FRMPD4: variants seen among roughly 807,000 people sequenced by gnomAD.
FRMPD4 encodes FERM and PDZ domain-containing protein 4.
FRMPD4 carries 22 observed loss-of-function variants against 94.1 expected under a neutral mutation model. The ratio of observed to expected loss-of-function variants is 0.23; its 90% CI spans 0.17 to 0.33. The LOEUF (loss-of-function observed/expected upper bound fraction) is 0.33. Among genes scored for constraint, FRMPD4 ranks in the 10% least tolerant of loss-of-function variants. The probability of loss-of-function intolerance (pLI) is 1.00; values close to 1 mark genes in which losing one functional copy is unlikely to be tolerated. For missense variants in FRMPD4, 1,111 were observed against 1,339.9 expected (o/e 0.83, Z 2.67); for synonymous variants, 631 against 548.6 (o/e 1.15, Z -2.10).
chrX:12,608,205 C>T (rs1348557181), intron 2 of FRMPD4, among the ~76,000 whole-genome samples: 1 of 112,713 alleles, frequency 8.9e-6, no homozygotes. Context: ...TGAGTGAAGA[C>T]TTCATCAAGA....
intron 7 of FRMPD4, 39 bp downstream of exon 7, chrX:12,686,243 A>C (rs765074617): frequency 2.3e-5 from 15 of 656,718 alleles, no homozygotes; most frequent in Non-Finnish European, 3.8e-5. Context: ...GGACGCTTTC[A>C]GGTACAACAT....
At chrX:12,678,329 A>G (rs748841301) in intron 5 of FRMPD4, among the ~76,000 whole-genome samples, 1 of 112,268 alleles carries the variant, frequency 8.9e-6, no homozygotes, top group African/African-American at 3.2e-5. Context: ...CCCAGGATGG[A>G]ATTTTAGAAG....
In FRMPD4 at chrX:12,114,036, G is replaced by GT. The variant is rs1027328878; in HGVS notation, c.95+236019dup. On this transcript the variant is annotated intron_variant, in intron 3 of 18. Coordinates refer to the FRMPD4 transcript ENST00000640291. ...TATTTTCCTGTCCTTTAATCTCTTT[G>GT]TATCTTTTTAAACTATATTTTTCTC... 1.8e-4 allele frequency among the ~76,000 whole-genome samples: 20 copies of GT among 111,668 alleles called. 1 individual carries two copies. The highest frequency in any genetic ancestry group is 6.2e-4 in the African/African-American group (19 of 30,820).
chrX:11,955,850 C>T (rs1234810806), intron 3 of FRMPD4, among the ~76,000 whole-genome samples: 2 of 111,620 alleles, frequency 1.8e-5, no homozygotes, highest in African/African-American at 3.3e-5. Flanking sequence ...CATTTCACTC[C>T]TACTAAGTGG....
At chrX:12,091,363 C>T (rs895399251) in intron 3 of FRMPD4, among the ~76,000 whole-genome samples, 1 of 111,973 alleles carries the variant, frequency 8.9e-6, no homozygotes, top group African/African-American at 3.2e-5. Flanking sequence ...GTGGACTATA[C>T]AATCTCTGTA....
At position 12,331,216 on chromosome X, in the gene FRMPD4, G is replaced by A. The variant is rs757213170; in HGVS notation, c.42-167464G>A. On this transcript the variant is annotated intron_variant, in intron 1 of 16. Transcript: ENST00000675598. ...AAGGGCTGTGCAACAGAGTGTTTTC[G>A]GGATTTCGTTTTTTTTTTTTTTTTA... 8.7e-5 allele frequency among the ~76,000 whole-genome samples: 9 copies of A among 103,924 alleles called. No homozygotes were observed. The East Asian group carries it at 2.0e-3, about 23-fold the overall frequency. 90.2% of individuals were successfully genotyped at this position (103,924 alleles called of 115,157 possible).
At chrX:12,081,222 C>T (rs1449707455) in intron 3 of FRMPD4, among the ~76,000 whole-genome samples, 1 of 111,481 alleles carries the variant, frequency 9.0e-6, no homozygotes, top group African/African-American at 3.3e-5. Context: ...TAGATATAAC[C>T]TGTGTGTTAT....
intron 1 of FRMPD4, among the ~76,000 whole-genome samples, chrX:12,372,097 T>A (rs1468784314): frequency 8.9e-6 from 1 of 112,461 alleles, no homozygotes; most frequent in African/African-American, 3.2e-5. Flanking sequence ...AAACCAGCCC[T>A]GCTCCTCTGC....
At chrX:12,227,449 C>T (rs1034792678) in intron 1 of FRMPD4, among the ~76,000 whole-genome samples, 5 of 111,620 alleles carry the variant, frequency 4.5e-5, no homozygotes, top group African/African-American at 1.6e-4. Context: ...CTATAAAAAA[C>T]GGTGGGCCTC....
intron 1 of FRMPD4, among the ~76,000 whole-genome samples, chrX:12,451,015 A>G (rs1035541822): frequency 2.7e-5 from 3 of 109,876 alleles, no homozygotes; most frequent in African/African-American, 6.6e-5. Context: ...GACCTGGCCT[A>G]TTACCTCCAT....
chrX:12,346,738 T>C (rs1055829550), intron 1 of FRMPD4, among the ~76,000 whole-genome samples: 1 of 111,646 alleles, frequency 9.0e-6, no homozygotes, highest in Non-Finnish European at 1.9e-5. Context: ...AGGGTACCAA[T>C]TACAATTTTT....
chrX:12,711,374 T>A (rs1315294294), intron 14 of FRMPD4, among the ~76,000 whole-genome samples: 2 of 111,723 alleles, frequency 1.8e-5, no homozygotes, highest in Admixed American at 9.5e-5. Context: ...TTCTTCCACA[T>A]TGGCAGCCAT....
upstream of FRMPD4, among the ~76,000 whole-genome samples, chrX:12,136,626 T>G (rs1372929349): frequency 1.8e-5 from 2 of 110,403 alleles, no homozygotes; most frequent in Non-Finnish European, 3.8e-5. Context: ...CCTGTAGAGT[T>G]TGAAGGATAG....
chrX:12,023,571 G>A (rs769388964), intron 3 of FRMPD4, among the ~76,000 whole-genome samples: 7 of 111,938 alleles, frequency 6.3e-5, no homozygotes, highest in Non-Finnish European at 7.5e-5. Flanking sequence ...ATGAAGCCAT[G>A]GGCTTTTTCC....
At chrX:12,329,764 C>A (rs1290233358) in intron 1 of FRMPD4, among the ~76,000 whole-genome samples, 2 of 104,833 alleles carry the variant, frequency 1.9e-5, no homozygotes, top group Non-Finnish European at 3.9e-5. Flanking sequence ...TCCTGAATCT[C>A]TTTCGTTATA....
rs34465193 is a variant in FRMPD4, at chrX:12,701,067, CTTTTTTTTT to C, written c.934-790_934-782del. 2.5e-4 allele frequency among the ~76,000 whole-genome samples: 14 copies of C among 56,588 alleles called. No individual in the cohort carries two copies. In the East Asian group the frequency reaches 7.0e-3, roughly 28 times the overall value. 49.1% of individuals were successfully genotyped at this position (56,588 alleles called of 115,157 possible). A position where few individuals can be genotyped will look rare whatever the true frequency, so the allele number is the denominator to read the frequency against. Reference sequence around the variant, plus strand: ...AGCTTTTGGGGTTTTGTTTTGGCTTCTTTTTTTTTTTTTTTTTTTTTTTTTGACAAGGTC... The same window carrying C: ...AGCTTTTGGGGTTTTGTTTTGGCTTCTTTTTTTTTTTTTTTTGACAAGGTC... On this transcript the variant is annotated intron_variant, in intron 9 of 16. Coordinates refer to ENST00000675598, the MANE Select transcript of FRMPD4 (RefSeq NM_001368397.1).
chrX:11,869,365 A>T (rs1340254388), intron 2 of FRMPD4, among the ~76,000 whole-genome samples: 1 of 111,711 alleles, frequency 9.0e-6, no homozygotes, highest in Non-Finnish European at 1.9e-5. Context: ...GTAACTCAGA[A>T]CTCTAGATAA....
intron 1 of FRMPD4, among the ~76,000 whole-genome samples, chrX:12,148,834 C>G (rs1027045932): frequency 8.9e-6 from 1 of 112,155 alleles, no homozygotes; most frequent in Non-Finnish European, 1.9e-5. Flanking sequence ...TATGCTAACT[C>G]TACTCTGCTT....
intron 1 of FRMPD4, among the ~76,000 whole-genome samples, chrX:12,350,778 AT>A (rs1446095302): frequency 4.4e-5 from 5 of 112,609 alleles, no homozygotes. Context: ...AAATCTATTG[AT>A]TAAACCCTTG....
Sources: gnomAD v4.1 joint callset for allele counts (sites outside exome capture counted in the v4.1 genomes callset) on GRCh38, gnomAD v4.1.1 for gene constraint, MANE v1.5 for transcripts, NCBI Gene and HGNC (gene_info 2026-07-23, HGNC 2026-07-21) for gene names.